The following NOS2 variants were observed in gnomAD, a reference collection of about 807,000 sequenced individuals.
NOS2 encodes the protein nitric oxide synthase, inducible.
A neutral mutation model predicts 136.0 loss-of-function variants in NOS2; 96 were observed. The observed-to-expected ratio is 0.71, with a 90% CI of 0.60 to 0.84. The LOEUF is 0.84. NOS2 is among the 40% of genes least tolerant of loss of function. The pLI is 0.00. For synonymous variants in NOS2, 539 were observed against 587.5 expected (o/e 0.92, Z 1.20); for missense variants, 1,237 against 1,496.9 (o/e 0.83, Z 2.87).
intron 19 of NOS2, 34 bp downstream of exon 19, chr17:27,766,476 A>T: frequency 6.5e-7 from 1 of 1,527,992 alleles, no homozygotes; most frequent in Non-Finnish European, 9.1e-7. Flanking sequence ...AAATCGACAG[A>T]GTATCACCCA....
intron 2 of NOS2, among the ~76,000 whole-genome samples, chr17:27,790,436 G>A (rs371525984): frequency 1.3e-3 from 191 of 152,296 alleles, no homozygotes; most frequent in African/African-American, 3.7e-3. Context: ...TTTAAAACAC[G>A]TGATTTATCT....
chr17:27,759,943 T>G, intron 25 of NOS2, 87 bp downstream of exon 25: 1 of 1,348,106 alleles, frequency 7.4e-7, no homozygotes, highest in Non-Finnish European at 9.9e-7. Context: ...AGGTGAAGGC[T>G]CGGGGAGGCG....
Position 27,766,987 on chromosome 17 carries a change from C to T in NOS2, c.2168-399G>A, listed in dbSNP as rs570566970. Among the ~76,000 whole-genome samples, 26 of 128,990 alleles carry T rather than the reference C, an allele frequency of 2.0e-4. No individual in the cohort carries two copies. In the South Asian group the frequency reaches 5.3e-3, roughly 26 times the overall value. The allele number at this position is 128,990 out of a possible 152,430, so 84.6% of individuals were successfully genotyped here. A position where few individuals can be genotyped will look rare whatever the true frequency, so the allele number is the denominator to read the frequency against. On this transcript the variant is annotated intron_variant, in intron 18 of 26. Coordinates refer to ENST00000313735, the MANE Select transcript of NOS2 (RefSeq NM_000625.4). ...CTGCACTCCAGCCTGGACGACAGAC[C>T]GAGACTCCGTCTCAAAAAAAAAAAA...
rs3730228 is a variant in NOS2 at position 27,769,698 on chromosome 17, C to T, written c.1810-114G>A. 2.8e-3 allele frequency: 2,541 copies of T among 912,898 alleles called. 37 individuals are homozygous for T. In the African/African-American group the frequency reaches 0.036, roughly 13 times the overall value. 56.5% of individuals were successfully genotyped at this position (912,898 alleles called of 1,614,324 possible). A position where few individuals can be genotyped will look rare whatever the true frequency, so the allele number is the denominator to read the frequency against. ...GCAGGAGAAGGCTCACAGCCCACCA[C>T]GGAAGTTGGTTTACATATGGGGCTA... On this transcript the variant is annotated intron_variant, in intron 15 of 26. Transcript: ENST00000313735.
chr17:27,781,534 C>A (rs945188567), intron 7 of NOS2, among the ~76,000 whole-genome samples: 3 of 152,196 alleles, frequency 2.0e-5, no homozygotes, highest in East Asian at 1.9e-4. Context: ...CTCCTACCCC[C>A]CCATACCCCA....
intron 20 of NOS2, among the ~76,000 whole-genome samples, chr17:27,765,303 C>T (rs8065817): frequency 0.011 from 1,718 of 152,338 alleles, 28 homozygotes; most frequent in African/African-American, 0.039. Flanking sequence ...CACTTTCTGA[C>T]TTTGGCCACT....
At position 27,759,999 on chromosome 17, in the gene NOS2, A is replaced by G. The variant is rs373137947; in HGVS notation, c.3159+31T>C. The G allele has an allele frequency of 3.2e-5, 48 of 1,480,150 alleles. No individual in the cohort carries two copies. In the African/African-American group the frequency reaches 6.4e-4, roughly 20 times the overall value. The allele number at this position is 1,480,150 out of a possible 1,614,324, so 91.7% of individuals were successfully genotyped here. ...GGCTCACAGTGGAGCTTGTGTGTGT[A>G]ATGCTTCACCTGCTTTGAGGCTGCA... On this transcript the variant is annotated intron_variant, in intron 25 of 26. Coordinates refer to ENST00000313735, the MANE Select transcript of NOS2 (RefSeq NM_000625.4).
rs1908066161 is a variant in NOS2, at chr17:27,760,087, C to T, written c.3102G>A (p.Gln1034=). 6.2e-7 allele frequency: 1 copy of T among 1,605,434 alleles called. No individual in the cohort carries two copies. The highest frequency in any genetic ancestry group is 1.3e-5 in the African/African-American group (1 of 74,476). Residue 1034 remains glutamine (Q), a synonymous_variant, in exon 25 of 27, where the codon CAG becomes CAA. Transcript: ENST00000313735. The part of the protein sequence containing the change: ...IYQEEMLEMA[Q]KGVLHAVHTA... ...TGTGCACCGCATGCAGCACCCCCTT[C>T]TGGGCCATCTCCAGCATCTCCTCCT... is the stretch of plus-strand genomic sequence containing the variant.
rs749282310 is a variant in NOS2 at position 27,778,978 on chromosome 17, G to GC, written c.1082dup (p.Leu362ProfsTer24). ...TGAAGGGGCACCCTGGGAACTCCAG[G>GC]CCGCCCACCTCAAGCAGCATGTTGG... On this transcript the variant is annotated frameshift_variant, in exon 10 of 27. Coordinates refer to ENST00000313735, the MANE Select transcript of NOS2 (RefSeq NM_000625.4). LOFTEE classifies it high-confidence loss of function. 2.5e-6 allele frequency: 4 copies of GC among 1,612,828 alleles called. No individual in the cohort carries two copies. Among genetic ancestry groups the GC allele is most frequent in the Non-Finnish European group, 3.4e-6 (4 of 1,179,116 alleles).
Position 27,798,698 on chromosome 17 carries a change from A to C in NOS2, c.110+2T>G, listed in dbSNP as rs1239704275. 6.3e-7 allele frequency: 1 copy of C among 1,599,968 alleles called. No homozygotes were observed. The highest frequency in any genetic ancestry group is 8.6e-7 in the Non-Finnish European group (1 of 1,167,026). ...CAGGAGGTTCCCCCAGGGAAAACTCACCTGGAGGTGGCACAGGGGGCTTTC... is the reference window on the plus strand; with the variant it reads ...CAGGAGGTTCCCCCAGGGAAAACTCCCCTGGAGGTGGCACAGGGGGCTTTC... On this transcript the variant is annotated splice_donor_variant, in intron 2 of 26. Transcript: ENST00000313735. LOFTEE classifies it high-confidence loss of function.
chr17:27,779,456 A>T (rs1034269008), intron 9 of NOS2, among the ~76,000 whole-genome samples: 1 of 151,832 alleles, frequency 6.6e-6, no homozygotes, highest in Non-Finnish European at 1.5e-5. Context: ...TGGGGGCTTC[A>T]CTTTTGCACC....
rs1267081121 is a variant in NOS2 at position 27,766,457 on chromosome 17, G to A, written c.2246+53C>T. The A allele has an allele frequency of 2.3e-5, 33 of 1,432,738 alleles. 1 individual carries two copies. The highest frequency in any genetic ancestry group is 8.0e-5 in the South Asian group (7 of 87,400). 88.8% of individuals were successfully genotyped at this position (1,432,738 alleles called of 1,614,324 possible). On this transcript the variant is annotated intron_variant, in intron 19 of 26. Transcript: ENST00000313735. ...ACTGACTTCTTCTGATCTTTCATTC[G>A]TTAAAATAAAATCGACAGAGTATCA...
intron 23 of NOS2, 25 bp downstream of exon 23, chr17:27,761,119 G>A: frequency 6.5e-7 from 1 of 1,543,184 alleles, no homozygotes; most frequent in South Asian, 1.2e-5. Context: ...GGCCCCACAG[G>A]GGACAGAGTG....
At chr17:27,774,503 G>T in intron 11 of NOS2, 52 bp from the exon 12 acceptor site, 1 of 1,360,370 alleles carries the variant, frequency 7.4e-7, no homozygotes. Flanking sequence ...GGAATCAGGA[G>T]AGGGGCCGGT....
chr17:27,763,974 T>A lies in NOS2; in HGVS notation c.2592+7A>T, dbSNP rs774130239. ...TACCCCCACTGCCCACCAGCCCTGA[T>A]CTTCACCTGGCACAGGGCCTCCAGC... On this transcript the variant is annotated splice_region_variant and intron_variant, in intron 21 of 26. Coordinates refer to ENST00000313735, the MANE Select transcript of NOS2 (RefSeq NM_000625.4). The A allele has an allele frequency of 3.7e-6, 6 of 1,611,116 alleles. No homozygotes were observed. The highest frequency in any genetic ancestry group is 5.1e-6 in the Non-Finnish European group (6 of 1,178,810).
At position 27,781,127 on chromosome 17, in the gene NOS2, C is replaced by A; in HGVS notation, c.773G>T (p.Arg258Leu). The change falls in exon 8 of 27, where the codon CGG (arginine) becomes CTG (leucine). Residue 258 changes from arginine (R) to leucine (L), a missense_variant. By Grantham distance (102) the Arg-to-Leu change is moderately radical. Around this residue, in one of 3 missense-constraint regions of NOS2, gnomAD observed 440 missense variants for 545.4 expected, o/e 0.81. Coordinates refer to ENST00000313735, the MANE Select transcript of NOS2 (RefSeq NM_000625.4). Reference sequence around the variant, plus strand: ...GCGGATGAGCTGAGCATTCCACACCCGGAAGTCGTGCTTGCCATCACTCCG... The same window carrying A: ...GCGGATGAGCTGAGCATTCCACACCAGGAAGTCGTGCTTGCCATCACTCCG... ...PQRSDGKHDF[R>L]VWNAQLIRYA... is the part of the protein sequence containing the mutation. The A allele has an allele frequency of 1.2e-6, 2 of 1,612,808 alleles. No individual in the cohort carries two copies. Among genetic ancestry groups the A allele is most frequent in the Non-Finnish European group, 1.7e-6 (2 of 1,180,040 alleles).
At position 27,759,867 on chromosome 17, in the gene NOS2, G is replaced by A. The variant is rs137958027; in HGVS notation, c.3159+163C>T. 2.2e-3 allele frequency among the ~76,000 whole-genome samples: 335 copies of A among 152,312 alleles called. 7 individuals are homozygous for A. Among genetic ancestry groups the A allele is most frequent in the Non-Finnish European group, 5.9e-4 (40 of 68,016 alleles). On this transcript the variant is annotated intron_variant, in intron 25 of 26. Transcript: ENST00000313735. ...CAGGTCTGTCGCTTCTGCTGTATGA[G>A]AGGGTGTAATGCTCTTCACAGCATC...
At chr17:27,764,923 T>TTC (rs1273842065) in intron 20 of NOS2, among the ~76,000 whole-genome samples, 1 of 152,204 alleles carries the variant, frequency 6.6e-6, no homozygotes, top group Admixed American at 6.5e-5. Context: ...ACGTCTCAGG[T>TTC]TCTCTCACTT....
chr17:27,794,020 A>AT (rs777896115), intron 2 of NOS2, among the ~76,000 whole-genome samples: 1 of 152,212 alleles, frequency 6.6e-6, no homozygotes, highest in Non-Finnish European at 1.5e-5. Context: ...GCTTATGATA[A>AT]TTACCACCAT....
Sources: gnomAD v4.1 joint callset for allele counts (sites outside exome capture counted in the v4.1 genomes callset) on GRCh38, gnomAD v4.1.1 for gene constraint, gnomAD v4.1.1 regional missense constraint, MANE v1.5 for transcripts, NCBI Gene and HGNC (gene_info 2026-07-23, HGNC 2026-07-21) for gene names.